NLK: variants seen among roughly 807,000 people sequenced by gnomAD.
NLK encodes serine/threonine-protein kinase NLK.
NLK carries 11 observed loss-of-function variants against 59.0 expected under a neutral mutation model. The observed-to-expected ratio is 0.19, with a 90% CI of 0.12 to 0.31. The LOEUF (loss-of-function observed/expected upper bound fraction) is 0.31. NLK is among the 10% of genes least tolerant of loss of function. The pLI is 1.00. For missense variants in NLK, 410 were observed against 661.1 expected, an observed-to-expected ratio of 0.62 and a Z score of 4.16; for synonymous variants, 235 against 235.9, an observed-to-expected ratio of 1.00 and a Z score of 0.03.
Position 28,115,204 on chromosome 17 carries a change from G to A in NLK, c.459-7399G>A, listed in dbSNP as rs188791924. Among the ~76,000 whole-genome samples the A allele has an allele frequency of 3.4e-3, 522 of 151,968 alleles. 3 individuals are homozygous for A. Among genetic ancestry groups the A allele is most frequent in the Non-Finnish European group, 6.3e-3 (427 of 67,992 alleles). On this transcript the variant is annotated intron_variant, in intron 1 of 10. Transcript: ENST00000407008. ...GTGTCACAGAAACAAGAAACAGACA[G>A]GAAGCCCATAGGAGGTGCAAGTCCC... is the stretch of plus-strand genomic sequence containing the variant.
Position 28,043,071 on chromosome 17 carries a change from G to A in NLK, c.198G>A (p.Gln66=). ...CTGCCGCTGTACACCCTGTACAGCAGCACACCTCTTCGGCAGCTGCGGCAG... is the reference window on the plus strand; with the variant it reads ...CTGCCGCTGTACACCCTGTACAGCAACACACCTCTTCGGCAGCTGCGGCAG... ...GSAAAVHPVQ[Q]HTSSAAAAAA... Residue 66 remains glutamine (Q), a synonymous_variant, in exon 1 of 11, where the codon CAG becomes CAA. Coordinates refer to ENST00000407008, the MANE Select transcript of NLK (RefSeq NM_016231.5). The A allele has an allele frequency of 6.4e-7, 1 of 1,568,282 alleles. No individual in the cohort carries two copies. Among genetic ancestry groups the A allele is most frequent in the Middle Eastern group, 1.7e-4 (1 of 6,012 alleles).
intron 3 of NLK, among the ~76,000 whole-genome samples, chr17:28,148,275 T>C (rs1232794796): frequency 6.6e-6 from 1 of 152,014 alleles, no homozygotes; most frequent in East Asian, 1.9e-4. Context: ...AGGAGTTCCT[T>C]TTTTTATATA....
At chr17:28,105,839 TCTC>T (rs1245185544) in intron 1 of NLK, among the ~76,000 whole-genome samples, 2 of 152,152 alleles carry the variant, frequency 1.3e-5, no homozygotes, top group Non-Finnish European at 2.9e-5. Context: ...TTAGAGTCGT[TCTC>T]CTCCCTGCAT....
intron 1 of NLK, among the ~76,000 whole-genome samples, 180 bp downstream of exon 1, chr17:28,043,511 C>T (rs748507487): frequency 2.0e-5 from 3 of 152,340 alleles, no homozygotes; most frequent in African/African-American, 7.2e-5. Flanking sequence ...TGTCTAGGCT[C>T]ATGGCAAGTT....
In NLK at chr17:28,195,796, CTGA is replaced by C. The variant is rs1321939041; in HGVS notation, c.*1167_*1169del. The C allele has an allele frequency of 6.6e-6, 1 of 152,282 alleles. No individual in the cohort carries two copies. Among genetic ancestry groups the C allele is most frequent in the Admixed American group, 6.6e-5 (1 of 15,194 alleles). 9.4% of individuals were successfully genotyped at this position (152,282 alleles called of 1,614,324 possible). On this transcript the variant is annotated 3_prime_UTR_variant, in exon 11 of 11. Coordinates refer to ENST00000407008, the MANE Select transcript of NLK (RefSeq NM_016231.5). ...AACTTGGCTTGTTTACCTCCACATGCTGATGATGACTATTTTTTTTTTTTGAGT... is the reference window on the plus strand; with the variant it reads ...AACTTGGCTTGTTTACCTCCACATGCTGATGACTATTTTTTTTTTTTGAGT...
chr17:28,140,428 G>C (rs1200905487), intron 3 of NLK, among the ~76,000 whole-genome samples: 1 of 152,118 alleles, frequency 6.6e-6, no homozygotes, highest in African/African-American at 2.4e-5. Flanking sequence ...GATAAATTTT[G>C]TGTGTATTTT....
chr17:28,120,922 G>A (rs2142816936), intron 1 of NLK, among the ~76,000 whole-genome samples: 1 of 152,272 alleles, frequency 6.6e-6, no homozygotes, highest in South Asian at 2.1e-4. Context: ...GTAGTTCATT[G>A]AATGAGTAAT....
At chr17:28,183,209 C>G (rs911322821) in intron 7 of NLK, among the ~76,000 whole-genome samples, 6 of 152,198 alleles carry the variant, frequency 3.9e-5, no homozygotes, top group African/African-American at 1.4e-4. Context: ...GCACTTAGAG[C>G]TAATGGGAAG....
intron 1 of NLK, among the ~76,000 whole-genome samples, chr17:28,098,003 T>C (rs1377052912): frequency 1.3e-5 from 2 of 152,202 alleles, no homozygotes; most frequent in Non-Finnish European, 2.9e-5. Flanking sequence ...ACTTCTGTAA[T>C]TTTTTAAGGT....
intron 1 of NLK, among the ~76,000 whole-genome samples, chr17:28,094,099 G>C (rs1032906447): frequency 6.6e-6 from 1 of 152,166 alleles, no homozygotes; most frequent in Non-Finnish European, 1.5e-5. Context: ...ATTCTCATCA[G>C]ATGATACTTA....
At chr17:28,073,325 T>A (rs1449554251) in intron 1 of NLK, among the ~76,000 whole-genome samples, 4 of 152,284 alleles carry the variant, frequency 2.6e-5, no homozygotes, top group Admixed American at 2.0e-4. Context: ...GTTAATCCAG[T>A]CTCCTGGGAA....
rs1029747685 is a variant in NLK, at chr17:28,145,799, G to A, written c.644+13124G>A. Among the ~76,000 whole-genome samples the A allele has an allele frequency of 7.9e-5, 12 of 152,016 alleles. 1 individual carries two copies. The highest frequency in any genetic ancestry group is 3.9e-4 in the Admixed American group (6 of 15,262). On this transcript the variant is annotated intron_variant, in intron 3 of 10. Coordinates refer to ENST00000407008, the MANE Select transcript of NLK (RefSeq NM_016231.5). ...CAGCTCACTGCAGCCTCCACCTCCA[G>A]GGTTCAAGGGATTCTCCTGCCTCAG...
chr17:28,205,483 A>T, the NLK span, among the ~76,000 whole-genome samples: 8 of 152,328 alleles, frequency 5.3e-5, no homozygotes, highest in East Asian at 7.7e-4. Context: ...AGAGCCAAAG[A>T]TCTCATCTTG....
intron 5 of NLK, among the ~76,000 whole-genome samples, chr17:28,164,033 G>C (rs1285557145): frequency 6.6e-6 from 1 of 152,188 alleles, no homozygotes; most frequent in Non-Finnish European, 1.5e-5. Context: ...TCTATATGCT[G>C]TTTGACCAAG....
chr17:28,140,492 G>T (rs1218932902), intron 3 of NLK, among the ~76,000 whole-genome samples: 1 of 152,098 alleles, frequency 6.6e-6, no homozygotes, highest in Non-Finnish European at 1.5e-5. Flanking sequence ...GAGCTGAGAG[G>T]CAGTGACTGT....
downstream of NLK, among the ~76,000 whole-genome samples, chr17:28,198,409 C>T (rs1026226928): frequency 2.6e-4 from 39 of 152,108 alleles, no homozygotes; most frequent in East Asian, 1.9e-4. Context: ...CCACAATCTC[C>T]GCCTCCCAGG....
chr17:28,191,768 A>G (rs571636236), intron 9 of NLK, among the ~76,000 whole-genome samples: 3 of 152,314 alleles, frequency 2.0e-5, no homozygotes, highest in South Asian at 2.1e-4. Flanking sequence ...CTAGATACCA[A>G]CTGAGGTCTT....
chr17:28,087,068 T>G lies in NLK; in HGVS notation c.459-35535T>G, dbSNP rs1256303282. On this transcript the variant is annotated intron_variant, in intron 1 of 10. Coordinates refer to ENST00000407008, the MANE Select transcript of NLK (RefSeq NM_016231.5). ...GTCGCTCTCAAAAAAAAAAAAAAGT[T>G]GATATTGAGTATATGGCAAACAAAA... Among the ~76,000 whole-genome samples the G allele has an allele frequency of 1.3e-5, 2 of 150,726 alleles. 1 individual carries two copies. The highest frequency in any genetic ancestry group is 4.2e-4 in the South Asian group (2 of 4,804).
intron 1 of NLK, among the ~76,000 whole-genome samples, chr17:28,112,463 C>G (rs541288181): frequency 1.3e-5 from 2 of 152,206 alleles, no homozygotes; most frequent in South Asian, 4.2e-4. Flanking sequence ...GTGACTCCCA[C>G]TATTCTTACA....
Sources: gnomAD v4.1 joint callset for allele counts (sites outside exome capture counted in the v4.1 genomes callset) on GRCh38, gnomAD v4.1.1 for gene constraint, MANE v1.5 for transcripts, NCBI Gene and HGNC (gene_info 2026-07-23, HGNC 2026-07-21) for gene names.